The following SLC35F5 variants were observed in gnomAD, a reference collection of about 807,000 sequenced individuals.
The protein encoded by SLC35F5 is solute carrier family 35 member F5.
SLC35F5 carries 54 observed loss-of-function variants against 68.6 expected under a neutral mutation model. The observed-to-expected ratio is 0.79, with a 90% CI of 0.63 to 0.99. SLC35F5 has a LOEUF of 0.99. Ranked by LOEUF, SLC35F5 falls within the 50% of genes least tolerant of loss-of-function variation. SLC35F5 has a pLI of 0.00. For missense variants in SLC35F5, 567 were observed against 626.9 expected (o/e 0.90, Z 1.02); for synonymous variants, 211 against 205.2 (o/e 1.03, Z -0.24).
At chr2:113,746,507 T>C (rs1348975557) in intron 4 of SLC35F5, among the ~76,000 whole-genome samples, 168 bp from the exon 5 acceptor site, 1 of 152,124 alleles carries the variant, frequency 6.6e-6, no homozygotes, top group Non-Finnish European at 1.5e-5. Flanking sequence ...CATTGTGAGG[T>C]AGGTATTATC....
At chr2:113,748,403 G>A (rs1676599449) in intron 4 of SLC35F5, among the ~76,000 whole-genome samples, 1 of 152,118 alleles carries the variant, frequency 6.6e-6, no homozygotes, top group African/African-American at 2.4e-5. Flanking sequence ...CTGGCCTCAA[G>A]TGATCCACTC....
At chr2:113,734,563 T>G in intron 9 of SLC35F5, 23 bp downstream of exon 9, 1 of 1,319,458 alleles carries the variant, frequency 7.6e-7, no homozygotes, top group Non-Finnish European at 1.1e-6. Context: ...CAGAGCAAAC[T>G]AGCTATCACA....
intron 13 of SLC35F5, among the ~76,000 whole-genome samples, chr2:113,719,948 A>AT (rs1318198238): frequency 2.6e-5 from 4 of 152,086 alleles, no homozygotes; most frequent in African/African-American, 9.7e-5. Flanking sequence ...GACAAGCCTC[A>AT]TCAGTGATGT....
chr2:113,721,102 A>G (rs1687413260), intron 13 of SLC35F5, among the ~76,000 whole-genome samples: 1 of 152,112 alleles, frequency 6.6e-6, no homozygotes, highest in Admixed American at 6.6e-5. Context: ...TTCAAGCACA[A>G]TGTTAATAAA....
rs1276783459 is a variant in SLC35F5 at position 113,711,858 on chromosome 2, GA to G, written c.*3359del. 3.9e-5 allele frequency among the ~76,000 whole-genome samples: 6 copies of G among 152,044 alleles called. No homozygotes were observed. The highest frequency in any genetic ancestry group is 6.5e-5 in the Admixed American group (1 of 15,270). ...CATTTCATTTATTTGCTAATATGTG[GA>G]AAAAAATTTTCTAATTAATTCCTCC... On this transcript the variant is annotated 3_prime_UTR_variant, in exon 16 of 16. Coordinates refer to ENST00000245680, the MANE Select transcript of SLC35F5 (RefSeq NM_025181.5).
In SLC35F5 at chr2:113,743,725, C is replaced by A. The variant is rs1676375179; in HGVS notation, c.550G>T (p.Asp184Tyr). 4 of 1,611,256 alleles carry A rather than the reference C, an allele frequency of 2.5e-6. No homozygotes were observed. Among genetic ancestry groups the A allele is most frequent in the Non-Finnish European group, 3.4e-6 (4 of 1,178,620 alleles). Residue 184 changes from aspartate (D) to tyrosine (Y), a missense_variant, in exon 6 of 16, where the codon GAT (aspartate) becomes TAT (tyrosine). Physicochemically the swap from Asp to Tyr is radical, Grantham distance 160. Transcript: ENST00000245680. ...PSEKPESTNI[D>Y]TEKTPKKSRV... ...AAGTTTTGCTTACTTTTTTCAGTAT[C>A]AATGTTTGTGCTCTCAGGTTTTTCA...
intron 13 of SLC35F5, chr2:113,721,412 T>C (rs538271519): frequency 6.5e-6 from 1 of 154,262 alleles, no homozygotes; most frequent in East Asian, 1.9e-4. Context: ...TGCATGTGCA[T>C]ACATTTCCCC....
intron 13 of SLC35F5, among the ~76,000 whole-genome samples, chr2:113,721,758 G>A (rs934674376): frequency 1.3e-5 from 2 of 151,940 alleles, no homozygotes; most frequent in African/African-American, 2.4e-5. Context: ...AGAATGATGT[G>A]TAATAATGTG....
rs1166199464 is a variant in SLC35F5, at chr2:113,711,182, G to C, written c.*4036C>G. ...TAAAAATCATGTTTGTGTCACCCCA[G>C]ATTCAAAATGCTGTTATTGGAAATG... On this transcript the variant is annotated 3_prime_UTR_variant, in exon 16 of 16. Transcript: ENST00000245680. Among the ~76,000 whole-genome samples, 1 of 152,016 alleles carries C rather than the reference G, an allele frequency of 6.6e-6. No homozygotes were observed.
chr2:113,743,035 T>C (rs1323124708), intron 6 of SLC35F5, among the ~76,000 whole-genome samples, 156 bp from the exon 7 acceptor site: 4 of 152,124 alleles, frequency 2.6e-5, no homozygotes, highest in Non-Finnish European at 5.9e-5. Context: ...TGAGACAACT[T>C]TGTTCACTTA....
rs558231455 is a variant in SLC35F5, at chr2:113,750,606, A to T, written c.274-38T>A. 2.7e-6 allele frequency: 4 copies of T among 1,503,108 alleles called. No homozygotes were observed. The East Asian group carries it at 9.6e-5, about 36-fold the overall frequency. The allele number at this position is 1,503,108 out of a possible 1,614,324, so 93.1% of individuals were successfully genotyped here. A position where few individuals can be genotyped will look rare whatever the true frequency, so the allele number is the denominator to read the frequency against. Reference sequence around the variant, plus strand: ...AAGTTACACAGACAACTCTGAGATGACCTTAAACCTTATTACTCATCTCCA... The same window carrying T: ...AAGTTACACAGACAACTCTGAGATGTCCTTAAACCTTATTACTCATCTCCA... On this transcript the variant is annotated intron_variant, in intron 3 of 15. Transcript: ENST00000245680.
At chr2:113,737,262 GA>G (rs1392405412) in intron 7 of SLC35F5, among the ~76,000 whole-genome samples, 3 of 152,190 alleles carry the variant, frequency 2.0e-5, no homozygotes, top group Non-Finnish European at 4.4e-5. Flanking sequence ...AGCACTACCA[GA>G]ACACAGCAGA....
intron 5 of SLC35F5, 48 bp downstream of exon 5, chr2:113,746,229 A>G (rs1231908897): frequency 8.8e-6 from 13 of 1,477,172 alleles, no homozygotes; most frequent in Non-Finnish European, 1.1e-5. Context: ...TTTTCCTACC[A>G]TGGCTCAACC....
In SLC35F5 at chr2:113,708,157, G is replaced by A. The variant is rs1559299424; in HGVS notation, c.*7061C>T. On this transcript the variant is annotated 3_prime_UTR_variant, in exon 16 of 16. Coordinates refer to ENST00000245680, the MANE Select transcript of SLC35F5 (RefSeq NM_025181.5). ...AAGACCATTCTGGATGAATGCAAAT[G>A]CTTGATTCAATTTTCCCAAATCCCA... 6.6e-6 allele frequency among the ~76,000 whole-genome samples: 1 copy of A among 152,132 alleles called. No individual in the cohort carries two copies. Among genetic ancestry groups the A allele is most frequent in the Non-Finnish European group, 1.5e-5 (1 of 68,026 alleles).
intron 13 of SLC35F5, 145 bp from the exon 14 acceptor site, chr2:113,719,453 G>A (rs1247296147): frequency 5.1e-6 from 3 of 584,138 alleles, no homozygotes; most frequent in Non-Finnish European, 8.2e-6. Flanking sequence ...TGTATTAAGT[G>A]TATTATTATT....
chr2:113,723,796 CACCTTG>C (rs1040717439), intron 12 of SLC35F5, among the ~76,000 whole-genome samples: 68 of 152,138 alleles, frequency 4.5e-4, no homozygotes, highest in Non-Finnish European at 8.8e-5. Flanking sequence ...TCTTTATTTT[CACCTTG>C]AATTAACAAT....
chr2:113,737,483 G>A (rs1688136683), intron 7 of SLC35F5, among the ~76,000 whole-genome samples: 1 of 152,176 alleles, frequency 6.6e-6, no homozygotes, highest in Non-Finnish European at 1.5e-5. Flanking sequence ...TGCCGATGAA[G>A]TGCTAGAAAA....
chr2:113,725,142 T>G (rs1687608336), intron 12 of SLC35F5, among the ~76,000 whole-genome samples: 1 of 152,202 alleles, frequency 6.6e-6, no homozygotes, highest in Non-Finnish European at 1.5e-5. Flanking sequence ...TCATATTCAT[T>G]CTTTCATTCA....
intron 7 of SLC35F5, among the ~76,000 whole-genome samples, chr2:113,740,692 T>C (rs1676230437): frequency 6.6e-6 from 1 of 152,122 alleles, no homozygotes; most frequent in Non-Finnish European, 1.5e-5. Context: ...GGTGGCGCCG[T>C]ATCGGCTCAC....
Sources: gnomAD v4.1 joint callset for allele counts (sites outside exome capture counted in the v4.1 genomes callset) on GRCh38, gnomAD v4.1.1 for gene constraint, MANE v1.5 for transcripts, NCBI Gene and HGNC (gene_info 2026-07-23, HGNC 2026-07-21) for gene names.